Variants in VWDE observed in about 807,000 individuals in gnomAD.
The protein encoded by VWDE is von Willebrand factor D and EGF domains.
A neutral mutation model predicts 178.4 loss-of-function variants in VWDE; 207 were observed. That is an observed-to-expected ratio of 1.16 (90% confidence interval 1.04 to 1.30). The LOEUF is 1.30. VWDE is among the 50% of genes most tolerant of loss of function. The pLI is 0.00. For synonymous variants in VWDE, 738 were observed against 651.4 expected (o/e 1.13, Z -2.02); for missense variants, 2,287 against 1,901.3 (o/e 1.20, Z -3.77).
At chr7:12,361,867 A>G (rs1317182271) in intron 13 of VWDE, among the ~76,000 whole-genome samples, 1 of 152,034 alleles carries the variant, frequency 6.6e-6, no homozygotes, top group Non-Finnish European at 1.5e-5. Flanking sequence ...TTTTCTGCCC[A>G]GAAATTCCTT....
Position 12,387,125 on chromosome 7 carries a change from TGTA to T in VWDE, c.475+1999_475+2001del, listed in dbSNP as rs546497909. On this transcript the variant is annotated intron_variant, in intron 3 of 28. Transcript: ENST00000275358. ...TCTAAACAATTCAATTTTCCATAAA[TGTA>T]GTATGTATTTCAAAACACTGAAATA... Among the ~76,000 whole-genome samples the T allele has an allele frequency of 2.5e-3, 374 of 152,278 alleles. 1 individual carries two copies. Among genetic ancestry groups the T allele is most frequent in the Non-Finnish European group, 4.3e-3 (294 of 68,006 alleles).
rs1425921474 is a variant in VWDE, at chr7:12,375,063, G to C, written c.1189C>G (p.Pro397Ala). 4 of 1,551,146 alleles carry C rather than the reference G, an allele frequency of 2.6e-6. No homozygotes were observed. The highest frequency in any genetic ancestry group is 2.4e-5 in the South Asian group (2 of 84,042). The change falls in exon 8 of 29, where the codon CCA becomes GCA. Residue 397 changes from proline (P) to alanine (A), a missense_variant. Transcript: ENST00000275358. ...CACAGGAAATCCTCATTAACTATTG[G>C]TTGCACTACAATGTTTGAGACTCTA... Reference protein sequence around the residue: ...GDRVSNIVVQPIVNEDFLWNN... With the variant: ...GDRVSNIVVQAIVNEDFLWNN...
In VWDE at chr7:12,380,174, C is replaced by G. The variant is rs538075507; in HGVS notation, c.789+312G>C. Among the ~76,000 whole-genome samples, 4 of 150,722 alleles carry G rather than the reference C, an allele frequency of 2.7e-5. No individual in the cohort carries two copies. The South Asian group carries it at 8.4e-4, about 32-fold the overall frequency. Reference sequence around the variant, plus strand: ...ATTAAAACATTTTTTCTAGAATAAACGTATATAATTTTAAAACCTGAGAGG... The same window carrying G: ...ATTAAAACATTTTTTCTAGAATAAAGGTATATAATTTTAAAACCTGAGAGG... On this transcript the variant is annotated intron_variant, in intron 5 of 28. Transcript: ENST00000275358.
intron 12 of VWDE, among the ~76,000 whole-genome samples, chr7:12,368,922 T>C (rs917292453): frequency 3.9e-5 from 6 of 152,132 alleles, no homozygotes; most frequent in Non-Finnish European, 8.8e-5. Flanking sequence ...GTGAGGAATT[T>C]ACTAAGAAGG....
intron 6 of VWDE, 103 bp downstream of exon 6, chr7:12,379,374 T>G: frequency 1.4e-6 from 1 of 702,498 alleles, no homozygotes; most frequent in Non-Finnish European, 2.2e-6. Context: ...AACATTCCGA[T>G]TCAGTCTGTG....
chr7:12,341,997 C>T, intron 23 of VWDE, 62 bp downstream of exon 23: 1 of 1,347,746 alleles, frequency 7.4e-7, no homozygotes, highest in Non-Finnish European at 1.0e-6. Flanking sequence ...TGCACGTCTT[C>T]AGGACATTGG....
chr7:12,354,270 G>C (rs1782101535), intron 18 of VWDE: 6 of 356,594 alleles, frequency 1.7e-5, no homozygotes, highest in South Asian at 1.4e-4. Context: ...AAATACATGA[G>C]TCAAAAACAG....
chr7:12,400,646 C>T lies in VWDE; in HGVS notation c.58+3013G>A, dbSNP rs147455840. 1.6e-4 allele frequency among the ~76,000 whole-genome samples: 25 copies of T among 152,156 alleles called. No homozygotes were observed. The East Asian group carries it at 3.3e-3, about 20-fold the overall frequency. On this transcript the variant is annotated intron_variant, in intron 1 of 28. Coordinates refer to ENST00000275358, the MANE Select transcript of VWDE (RefSeq NM_001135924.3). ...TCAAAAAGAATTACCACCAATTTGT[C>T]TCAAACACTTTCAAAAAATAGAAGA...
At chr7:12,378,006 C>T in intron 6 of VWDE, 86 bp from the exon 7 acceptor site, 1 of 997,290 alleles carries the variant, frequency 1.0e-6, no homozygotes, top group East Asian at 3.0e-5. Flanking sequence ...TTCTCAACAG[C>T]ACATATTTTA....
intron 3 of VWDE, among the ~76,000 whole-genome samples, chr7:12,388,341 C>G (rs1317012140): frequency 2.6e-5 from 4 of 152,082 alleles, no homozygotes; most frequent in Non-Finnish European, 5.9e-5. Flanking sequence ...ACTGCAATCA[C>G]TTGATTAATA....
intron 27 of VWDE, among the ~76,000 whole-genome samples, chr7:12,335,112 T>C (rs1780943605): frequency 6.6e-6 from 1 of 152,176 alleles, no homozygotes; most frequent in South Asian, 2.1e-4. Flanking sequence ...GGAGGGTACA[T>C]TATTTCTAGT....
chr7:12,399,005 C>G (rs1784756223), intron 1 of VWDE, among the ~76,000 whole-genome samples: 1 of 151,962 alleles, frequency 6.6e-6, no homozygotes, highest in African/African-American at 2.4e-5. Context: ...TGCGATGTAC[C>G]TTTGTAACAA....
intron 1 of VWDE, among the ~76,000 whole-genome samples, chr7:12,399,458 A>C (rs965391426): frequency 2.0e-5 from 3 of 152,196 alleles, no homozygotes; most frequent in African/African-American, 7.2e-5. Flanking sequence ...CGCAGGGAAA[A>C]AATACACATT....
In VWDE at chr7:12,359,620, A is replaced by G. The variant is rs537130559; in HGVS notation, c.3232T>C (p.Cys1078Arg). Residue 1078 changes from cysteine to arginine, a missense_variant, in exon 16 of 29, where the codon TGT becomes CGT. Coordinates refer to ENST00000275358, the MANE Select transcript of VWDE (RefSeq NM_001135924.3). The stretch of plus-strand genomic sequence containing the variant: ...GTAAATCTTGAAATTTTGGGTCTAC[A>G]AATCAAACAAGGGCTGGTTGGATTT... ...DKNPTSPCLI[C>R]RPKISRFTWS... 17 of 1,550,646 alleles carry G rather than the reference A, an allele frequency of 1.1e-5. No individual in the cohort carries two copies. The South Asian group carries it at 1.9e-4, about 17-fold the overall frequency.
chr7:12,385,989 T>G (rs953184725), intron 3 of VWDE, among the ~76,000 whole-genome samples: 1 of 152,206 alleles, frequency 6.6e-6, no homozygotes, highest in Non-Finnish European at 1.5e-5. Context: ...TTAAATATTA[T>G]GTTTTTAAAT....
intron 13 of VWDE, among the ~76,000 whole-genome samples, chr7:12,366,256 G>C (rs1162054682): frequency 6.6e-6 from 1 of 152,098 alleles, no homozygotes; most frequent in Non-Finnish European, 1.5e-5. Flanking sequence ...TAGTGTGTTA[G>C]AGGATTCCAG....
rs1011603132 is a variant in VWDE at position 12,361,451 on chromosome 7, A to T, written c.2969T>A (p.Val990Asp). Residue 990 changes from valine to aspartate, a missense_variant, in exon 14 of 29, where the codon GTT becomes GAT. Coordinates refer to ENST00000275358, the MANE Select transcript of VWDE (RefSeq NM_001135924.3). Reference protein sequence around the residue: ...TQTVFHNSRAVDCQLPTDVQQ... With the variant: ...TQTVFHNSRADDCQLPTDVQQ... ...AACATCAGTGGGCAGCTGACAATCA[A>T]CAGCTCTGCTATTGTGGAAAACAGT... 1 of 1,551,128 alleles carries T rather than the reference A, an allele frequency of 6.4e-7. No homozygotes were observed. Among genetic ancestry groups the T allele is most frequent in the African/African-American group, 1.4e-5 (1 of 73,002 alleles).
At chr7:12,389,915 C>T (rs1159264192) in intron 2 of VWDE, among the ~76,000 whole-genome samples, 2 of 152,142 alleles carry the variant, frequency 1.3e-5, no homozygotes, top group Admixed American at 6.5e-5. Flanking sequence ...GCAATCCCAG[C>T]ACTTTGGGAG....
In VWDE at chr7:12,356,334, C is replaced by T. The variant is rs1377506234; in HGVS notation, c.3526-4G>A. The stretch of plus-strand genomic sequence containing the variant: ...AATCACAAGACTTCACAGTCACCTA[C>T]AAAACAAAAAAAAAGGAAATGTCTT... On this transcript the variant is annotated splice_region_variant and splice_polypyrimidine_tract_variant and intron_variant, in intron 17 of 28. Coordinates refer to ENST00000275358, the MANE Select transcript of VWDE (RefSeq NM_001135924.3). 13 of 1,530,108 alleles carry T rather than the reference C, an allele frequency of 8.5e-6. No homozygotes were observed. Among genetic ancestry groups the T allele is most frequent in the African/African-American group, 4.2e-5 (3 of 70,846 alleles). The allele number at this position is 1,530,108 out of a possible 1,614,324, so 94.8% of individuals were successfully genotyped here. A position where few individuals can be genotyped will look rare whatever the true frequency, so the allele number is the denominator to read the frequency against.
Sources: allele counts gnomAD v4.1 joint callset (sites outside exome capture counted in the v4.1 genomes callset), GRCh38; gene constraint gnomAD v4.1.1; transcripts MANE v1.5; gene names NCBI Gene and HGNC (gene_info 2026-07-23, HGNC 2026-07-21).